The following GULP1 variants were observed in gnomAD, a reference collection of about 807,000 sequenced individuals.
The protein encoded by GULP1 is GULP PTB domain containing engulfment adaptor 1, also known as PTB domain-containing engulfment adapter protein 1.
A neutral mutation model predicts 40.9 loss-of-function variants in GULP1; 19 were observed. The ratio of observed to expected loss-of-function variants is 0.46; its 90% CI spans 0.32 to 0.68. The LOEUF (loss-of-function observed/expected upper bound fraction) is 0.68. GULP1 is among the 30% of genes least tolerant of loss of function. The probability of loss-of-function intolerance (pLI) is 0.03; values close to 1 mark genes in which losing one functional copy is unlikely to be tolerated. For missense variants in GULP1, 312 were observed against 362.2 expected (o/e 0.86, Z 1.12); for synonymous variants, 119 against 117.6 (o/e 1.01, Z -0.08).
chr2:188,509,761 CT>C (rs1169414045), intron 4 of GULP1, among the ~76,000 whole-genome samples: 1 of 152,002 alleles, frequency 6.6e-6, no homozygotes, highest in African/African-American at 2.4e-5. Flanking sequence ...TATTTGAAAA[CT>C]TTTTGTTGCA....
intron 4 of GULP1, among the ~76,000 whole-genome samples, chr2:188,511,728 C>T (rs2153201282): frequency 6.6e-6 from 1 of 152,104 alleles, no homozygotes; most frequent in South Asian, 2.1e-4. Context: ...ACCCTATATC[C>T]ATGTAAAACA....
intron 4 of GULP1, among the ~76,000 whole-genome samples, chr2:188,513,230 ACTTT>A (rs2064785845): frequency 6.6e-6 from 1 of 152,138 alleles, no homozygotes; most frequent in Non-Finnish European, 1.5e-5. Flanking sequence ...TGCTGTTATA[ACTTT>A]CATTATATAG....
chr2:188,372,919 G>A (rs1393313102), intron 1 of GULP1, among the ~76,000 whole-genome samples: 1 of 151,940 alleles, frequency 6.6e-6, no homozygotes, highest in Non-Finnish European at 1.5e-5. Flanking sequence ...AGTTTTGTTA[G>A]GAGAGAAAAA....
intron 1 of GULP1, among the ~76,000 whole-genome samples, chr2:188,372,237 G>A (rs2047692361): frequency 6.6e-6 from 1 of 152,078 alleles, no homozygotes; most frequent in African/African-American, 2.4e-5. Flanking sequence ...GCTGCATCTA[G>A]TTCTCCAGAG....
At chr2:188,491,878 G>A (rs1175191997) in intron 4 of GULP1, among the ~76,000 whole-genome samples, 2 of 152,048 alleles carry the variant, frequency 1.3e-5, no homozygotes, top group Non-Finnish European at 2.9e-5. Context: ...TTCCAGAGCT[G>A]TTATGCATAT....
intron 9 of GULP1, among the ~76,000 whole-genome samples, chr2:188,581,412 C>T (rs1701298858): frequency 6.6e-6 from 1 of 152,072 alleles, no homozygotes; most frequent in Non-Finnish European, 1.5e-5. Context: ...ATGGAGCAGG[C>T]ACCTTCTCTC....
At chr2:188,486,428 T>C (rs1365606024) in intron 4 of GULP1, among the ~76,000 whole-genome samples, 1 of 152,008 alleles carries the variant, frequency 6.6e-6, no homozygotes, top group African/African-American at 2.4e-5. Context: ...TTCCTACTAC[T>C]TCACTCACTT....
intron 2 of GULP1, among the ~76,000 whole-genome samples, chr2:188,438,918 A>G (rs2057678803): frequency 6.6e-6 from 1 of 152,070 alleles, no homozygotes. Context: ...TATATACTAT[A>G]TATGTTCCAG....
chr2:188,443,192 G>A (rs1452971814), intron 2 of GULP1, among the ~76,000 whole-genome samples: 1 of 152,076 alleles, frequency 6.6e-6, no homozygotes, highest in African/African-American at 2.4e-5. Context: ...CGGGCTGTGG[G>A]GGTGGGGGTT....
intron 1 of GULP1, among the ~76,000 whole-genome samples, chr2:188,352,588 G>A (rs1412606199): frequency 8.6e-6 from 1 of 116,292 alleles, no homozygotes; most frequent in East Asian, 2.8e-4. Flanking sequence ...TCATTCACTT[G>A]TTCTTGCTCT....
At chr2:188,503,769 A>G (rs2063657626) in intron 4 of GULP1, among the ~76,000 whole-genome samples, 1 of 151,834 alleles carries the variant, frequency 6.6e-6, no homozygotes, top group Admixed American at 6.6e-5. Flanking sequence ...ACACACACCA[A>G]ATCTTATAAA....
chr2:188,389,715 A>G (rs1400357035), intron 2 of GULP1, among the ~76,000 whole-genome samples: 1 of 152,110 alleles, frequency 6.6e-6, no homozygotes, highest in Non-Finnish European at 1.5e-5. Flanking sequence ...TTGTCACCTG[A>G]GTAGTGTGCA....
rs946385827 is a variant in GULP1 at position 188,451,899 on chromosome 2, G to A, written c.-44-25760G>A. ...AGTAAGTTAAAGTTTTATTTTAAAGGCAAATATGGACCTCAATTAGTGATA... is the reference window on the plus strand; with the variant it reads ...AGTAAGTTAAAGTTTTATTTTAAAGACAAATATGGACCTCAATTAGTGATA... On this transcript the variant is annotated intron_variant, in intron 2 of 11. Transcript: ENST00000409830. Among the ~76,000 whole-genome samples, 7 of 152,034 alleles carry A rather than the reference G, an allele frequency of 4.6e-5. 1 individual carries two copies. The highest frequency in any genetic ancestry group is 4.6e-4 in the Admixed American group (7 of 15,250).
intron 11 of GULP1, chr2:188,589,548 G>GA (rs1211647436): frequency 3.7e-5 from 14 of 376,032 alleles, no homozygotes; most frequent in African/African-American, 8.4e-5. Context: ...CCCAAAATTG[G>GA]AAAAAAAATT....
intron 1 of GULP1, among the ~76,000 whole-genome samples, chr2:188,346,301 A>G (rs1407446713): frequency 6.6e-6 from 1 of 152,184 alleles, no homozygotes; most frequent in Admixed American, 6.5e-5. Context: ...CATAGCAGAA[A>G]TCTCCGGGTT....
Position 188,291,905 on chromosome 2 carries a change from G to C in GULP1, c.-433G>C, listed in dbSNP as rs892857895. 1 of 152,352 alleles carries C rather than the reference G, an allele frequency of 6.6e-6. No individual in the cohort carries two copies. Among genetic ancestry groups the C allele is most frequent in the African/African-American group, 2.4e-5 (1 of 41,434 alleles). 9.4% of individuals were successfully genotyped at this position (152,352 alleles called of 1,614,324 possible). On this transcript the variant is annotated 5_prime_UTR_variant, in exon 1 of 12. Transcript: ENST00000409830. ...GGCCGGGAGCGACCCGGAGTCCCCA[G>C]CCCCGCGTCCCAGCTGCCGCCAGCG... is the stretch of plus-strand genomic sequence containing the variant.
At chr2:188,571,265 A>G (rs1472521428) in intron 9 of GULP1, among the ~76,000 whole-genome samples, 1 of 152,216 alleles carries the variant, frequency 6.6e-6, no homozygotes, top group Admixed American at 6.5e-5. Flanking sequence ...GATAAACTCA[A>G]TGAAAATGTT....
intron 3 of GULP1, among the ~76,000 whole-genome samples, chr2:188,481,822 T>C (rs1488302440): frequency 1.3e-5 from 2 of 151,928 alleles, no homozygotes; most frequent in Non-Finnish European, 2.9e-5. Context: ...CCTAAAGGTG[T>C]TTTTCTTGTT....
chr2:188,399,303 A>T (rs2051751809), intron 2 of GULP1, among the ~76,000 whole-genome samples: 1 of 152,118 alleles, frequency 6.6e-6, no homozygotes, highest in Non-Finnish European at 1.5e-5. Context: ...CTGTGGAGCT[A>T]AATATGGACC....
Sources: allele counts gnomAD v4.1 joint callset (sites outside exome capture counted in the v4.1 genomes callset), GRCh38; gene constraint gnomAD v4.1.1; transcripts MANE v1.5; gene names NCBI Gene and HGNC (gene_info 2026-07-23, HGNC 2026-07-21).